The following NDST1 variants were observed in gnomAD, a reference collection of about 807,000 sequenced individuals.
NDST1 encodes N-deacetylase and N-sulfotransferase 1, also known as bifunctional heparan sulfate N-deacetylase/N-sulfotransferase 1.
Under a neutral mutation model 92.8 loss-of-function variants are expected in NDST1, and 35 were observed. The ratio of observed to expected loss-of-function variants is 0.38; its 90% CI spans 0.29 to 0.50. The LOEUF is 0.50. Among genes scored for constraint, NDST1 ranks in the 20% least tolerant of loss-of-function variants. NDST1 has a pLI of 0.94. For missense variants in NDST1, 822 were observed against 1,182.7 expected (o/e 0.69, Z 4.47); for synonymous variants, 493 against 500.3 (o/e 0.99, Z 0.19).
chr5:150,521,155 T>G lies in NDST1; in HGVS notation c.-100T>G. ...GCGTCGCTTCCTAAGTCTCTGTGAA[T>G]TTGTTGGTCAGTGGACGATTCTCGT... On this transcript the variant is annotated 5_prime_UTR_variant, in exon 2 of 15. Transcript: ENST00000261797. This position sits in a 1 kb window ranked among gnomAD's most constrained non-coding sequence, Gnocchi z 5.9. 21 of 1,067,924 alleles carry G rather than the reference T, an allele frequency of 2.0e-5. No individual in the cohort carries two copies. The highest frequency in any genetic ancestry group is 2.8e-5 in the Non-Finnish European group (21 of 736,932). The allele number at this position is 1,067,924 out of a possible 1,614,324, so 66.2% of individuals were successfully genotyped here.
At chr5:150,535,280 G>A (rs1014347448) in intron 5 of NDST1, 1 of 983,558 alleles carries the variant, frequency 1.0e-6, no homozygotes, top group Non-Finnish European at 1.2e-6. Flanking sequence ...TTAAACTCAG[G>A]CCATTTGTTT....
At chr5:150,515,362 C>G (rs1037279726) in intron 1 of NDST1, among the ~76,000 whole-genome samples, 4 of 152,172 alleles carry the variant, frequency 2.6e-5, no homozygotes, top group Admixed American at 2.6e-4. Flanking sequence ...TAACGAATCC[C>G]AAATTAAAGA....
At chr5:150,532,250 C>CGGTT (rs1754777580) in intron 3 of NDST1, among the ~76,000 whole-genome samples, 1 of 152,184 alleles carries the variant, frequency 6.6e-6, no homozygotes, top group African/African-American at 2.4e-5. Context: ...GGCATACATG[C>CGGTT]GGTTATCTTA....
intron 1 of NDST1, among the ~76,000 whole-genome samples, chr5:150,509,340 CAAAT>C (rs1256797380): frequency 1.3e-5 from 2 of 152,164 alleles, no homozygotes; most frequent in African/African-American, 2.4e-5. Flanking sequence ...GCATAAATGA[CAAAT>C]AAATGAAGTG....
intron 1 of NDST1, among the ~76,000 whole-genome samples, chr5:150,511,132 G>T (rs1753702668): frequency 6.6e-6 from 1 of 152,226 alleles, no homozygotes; most frequent in Non-Finnish European, 1.5e-5. Flanking sequence ...CTAGGTCATG[G>T]TGCTGTGGTA....
chr5:150,499,785 G>T (rs1398306482), intron 1 of NDST1, among the ~76,000 whole-genome samples: 1 of 152,226 alleles, frequency 6.6e-6, no homozygotes, highest in Admixed American at 6.5e-5. Flanking sequence ...CCACCCTGCA[G>T]TGTAACCAAG....
At position 150,508,141 on chromosome 5, in the gene NDST1, G is replaced by A. The variant is rs189044306; in HGVS notation, c.-473G>A. ...GTAATGCCATTTTTCCTGGCCCTGGGATTAGGTGCAGCCGTGTTAAGGAGA... is the reference window on the plus strand; with the variant it reads ...GTAATGCCATTTTTCCTGGCCCTGGAATTAGGTGCAGCCGTGTTAAGGAGA... On this transcript the variant is annotated 5_prime_UTR_variant, in exon 1 of 15. Coordinates refer to ENST00000261797, the MANE Select transcript of NDST1 (RefSeq NM_001543.5). 2.6e-5 allele frequency: 4 copies of A among 152,422 alleles called. No homozygotes were observed. The East Asian group carries it at 7.7e-4, about 29-fold the overall frequency. 9.4% of individuals were successfully genotyped at this position (152,422 alleles called of 1,614,324 possible).
At position 150,553,663 on chromosome 5, in the gene NDST1, G is replaced by A. The variant is rs532593446; in HGVS notation, c.*331G>A. On this transcript the variant is annotated 3_prime_UTR_variant, in exon 15 of 15. Transcript: ENST00000261797. The surrounding 1 kb of genome is among the most constrained non-coding windows in gnomAD (Gnocchi z 4.2). ...TGTGTTCCGCCGACTGTCCCCTCTC[G>A]TCACCCATCACTCCCTGCTTCCGCA... 1.2e-5 allele frequency: 5 copies of A among 415,630 alleles called. No individual in the cohort carries two copies. Among genetic ancestry groups the A allele is most frequent in the East Asian group, 5.3e-5 (1 of 18,736 alleles). 25.7% of individuals were successfully genotyped at this position (415,630 alleles called of 1,614,324 possible).
At chr5:150,523,063 C>T (rs568807929) in intron 2 of NDST1, among the ~76,000 whole-genome samples, 11 of 152,296 alleles carry the variant, frequency 7.2e-5, no homozygotes, top group East Asian at 5.8e-4. Context: ...CTTCTCATGG[C>T]GTGTTCTTTC....
intron 11 of NDST1, among the ~76,000 whole-genome samples, chr5:150,546,921 C>T (rs1285813016): frequency 1.3e-5 from 2 of 152,176 alleles, no homozygotes; most frequent in African/African-American, 2.4e-5. Context: ...TGTTTTCTGC[C>T]GTGCTGTGTG....
chr5:150,531,570 G>A (rs1161406586), intron 3 of NDST1, among the ~76,000 whole-genome samples: 4 of 145,682 alleles, frequency 2.7e-5, no homozygotes, highest in African/African-American at 5.1e-5. Context: ...ACGTTATCTC[G>A]GCTCCTGCAA....
intron 1 of NDST1, among the ~76,000 whole-genome samples, chr5:150,498,988 C>T (rs1362834984): frequency 6.6e-6 from 1 of 152,200 alleles, no homozygotes. Context: ...ACCCCACTCC[C>T]TATCCAGGAT....
rs187621216 is a variant in NDST1, at chr5:150,524,436, C to A, written c.513+2669C>A. Among the ~76,000 whole-genome samples, 9 of 152,364 alleles carry A rather than the reference C, an allele frequency of 5.9e-5. No individual in the cohort carries two copies. The South Asian group carries it at 1.7e-3, about 28-fold the overall frequency. On this transcript the variant is annotated intron_variant, in intron 2 of 14. Transcript: ENST00000261797. ...CCTCATCTGGATCCCTACTTCCTGG[C>A]ACTGTCGTGCCTCAACCTTGAAATT... is the stretch of plus-strand genomic sequence containing the variant.
intron 1 of NDST1, among the ~76,000 whole-genome samples, chr5:150,509,173 G>T (rs1268692440): frequency 6.6e-6 from 1 of 152,206 alleles, no homozygotes; most frequent in African/African-American, 2.4e-5. Context: ...CCCTGAGTCT[G>T]CCTGTGCCTT....
At chr5:150,529,459 G>T (rs1754625164) in intron 3 of NDST1, among the ~76,000 whole-genome samples, 1 of 145,624 alleles carries the variant, frequency 6.9e-6, no homozygotes, top group Non-Finnish European at 1.5e-5. Context: ...CAGACCACAA[G>T]ATTTTACACA....
chr5:150,523,784 A>T (rs1039075232), intron 2 of NDST1, among the ~76,000 whole-genome samples: 3 of 152,176 alleles, frequency 2.0e-5, no homozygotes, highest in Non-Finnish European at 4.4e-5. Context: ...GCAGAAGGTA[A>T]ACAGGAGGCC....
intron 9 of NDST1, among the ~76,000 whole-genome samples, 181 bp from the exon 10 acceptor site, chr5:150,542,667 A>G (rs1024993666): frequency 3.3e-5 from 5 of 152,230 alleles, no homozygotes; most frequent in African/African-American, 1.2e-4. Context: ...TGCATGCCAT[A>G]TATTTGCCAC....
At chr5:150,551,886 T>C in intron 14 of NDST1, 31 bp downstream of exon 14, 1 of 1,609,608 alleles carries the variant, frequency 6.2e-7, no homozygotes, top group Non-Finnish European at 8.5e-7. Context: ...CTGTAGCACC[T>C]GCATAAGGGT....
intron 8 of NDST1, 150 bp downstream of exon 8, chr5:150,540,414 A>G (rs1755191951): frequency 1.2e-6 from 1 of 827,250 alleles, no homozygotes. Flanking sequence ...ACTTACCAGC[A>G]TGGGTGCGTT....
Sources: gnomAD v4.1 joint callset for allele counts (sites outside exome capture counted in the v4.1 genomes callset) on GRCh38, gnomAD v4.1.1 for gene constraint, Gnocchi (gnomAD v3.1) non-coding constraint, MANE v1.5 for transcripts, NCBI Gene and HGNC (gene_info 2026-07-23, HGNC 2026-07-21) for gene names.